The following ZNF397 variants were observed in gnomAD, a reference collection of about 807,000 sequenced individuals.
The protein encoded by ZNF397 is zinc finger and SCAN domain-containing protein 15.
Under a neutral mutation model 50.6 loss-of-function variants are expected in ZNF397, and 38 were observed. The ratio of observed to expected loss-of-function variants is 0.75; its 90% CI spans 0.58 to 0.98. The LOEUF is 0.98. Ranked by LOEUF, ZNF397 falls within the 50% of genes least tolerant of loss-of-function variation. ZNF397 has a pLI of 0.00. For synonymous variants in ZNF397, 228 were observed against 215.2 expected, an observed-to-expected ratio of 1.06 and a Z score of -0.52; for missense variants, 624 against 624.1, an observed-to-expected ratio of 1.00 and a Z score of 0.00.
chr18:35,241,075 G>C lies in ZNF397; in HGVS notation c.-115G>C, dbSNP rs1162294405. Reference sequence around the variant, plus strand: ...TCTTTGTGGCTTGCAGCTCGGGGTGGGTGGCTCATTTCCTGGCCGCTCCTG... The same window carrying C: ...TCTTTGTGGCTTGCAGCTCGGGGTGCGTGGCTCATTTCCTGGCCGCTCCTG... On this transcript the variant is annotated 5_prime_UTR_variant, in exon 1 of 4. Coordinates refer to ENST00000330501, the MANE Select transcript of ZNF397 (RefSeq NM_001135178.3). The C allele has an allele frequency of 6.6e-6, 1 of 152,372 alleles. No homozygotes were observed. The highest frequency in any genetic ancestry group is 1.5e-5 in the Non-Finnish European group (1 of 68,184). The allele number at this position is 152,372 out of a possible 1,614,324, so 9.4% of individuals were successfully genotyped here.
downstream of ZNF397, chr18:35,253,707 C>G (rs1429357508): frequency 6.2e-7 from 1 of 1,614,144 alleles, no homozygotes. Flanking sequence ...TAGCTTTTAT[C>G]TCCAGTGTGA....
At chr18:35,250,570 A>G (rs183169118), downstream of ZNF397, among the ~76,000 whole-genome samples, 9 of 152,300 alleles carry the variant, frequency 5.9e-5, no homozygotes, top group Middle Eastern at 3.4e-3. Context: ...CCTCATTTCC[A>G]TAGCCTGCAA....
intron 3 of ZNF397, 41 bp from the exon 4 acceptor site, chr18:35,245,219 AAG>A: frequency 6.6e-7 from 1 of 1,514,322 alleles, no homozygotes; most frequent in East Asian, 2.3e-5. Context: ...TGACGGTGAC[AAG>A]AGAAATGTAA....
In ZNF397 at chr18:35,246,222, A is replaced by G; in HGVS notation, c.1517A>G (p.Asp506Gly). ...LVQHQRIHSG[D>G]EAYICNECGK... The stretch of plus-strand genomic sequence containing the variant: ...CAGCATCAGAGAATTCATTCTGGGG[A>G]TGAAGCTTATATATGTAATGAATGT... The change falls in exon 4 of 4, where the codon GAT (aspartate) becomes GGT (glycine). Residue 506 changes from aspartate (D) to glycine (G), a missense_variant. Coordinates refer to ENST00000330501, the MANE Select transcript of ZNF397 (RefSeq NM_001135178.3). 1.3e-6 allele frequency: 2 copies of G among 1,552,170 alleles called. No homozygotes were observed. Among genetic ancestry groups the G allele is most frequent in the Non-Finnish European group, 1.7e-6 (2 of 1,147,090 alleles).
intron 3 of ZNF397, 35 bp from the exon 4 acceptor site, chr18:35,245,227 T>C (rs753785430): frequency 5.2e-6 from 8 of 1,534,760 alleles, no homozygotes; most frequent in African/African-American, 1.4e-5. Flanking sequence ...ACAAGAGAAA[T>C]GTAATATCTG....
chr18:35,251,969 G>A (rs2043613500), downstream of ZNF397: 1 of 152,034 alleles, frequency 6.6e-6, no homozygotes, highest in Non-Finnish European at 1.5e-5. Flanking sequence ...AGCAATTGTG[G>A]GTTAATTAAA....
rs1466518964 is a variant in ZNF397, at chr18:35,243,264, C to T, written c.527C>T (p.Ser176Phe). The change falls in exon 3 of 4, where the codon TCC (serine) becomes TTC (phenylalanine). Residue 176 changes from serine (S) to phenylalanine (F), a missense_variant. Ser to Phe is a radical substitution (Grantham distance 155, BLOSUM62 -2). Coordinates refer to ENST00000330501, the MANE Select transcript of ZNF397 (RefSeq NM_001135178.3). ...CAGCCCTTAAAGACACAGCTGAAAT[C>T]CTGGAAACCATGCCTTTCCCCTAAA... ...HLQPLKTQLK[S>F]WKPCLSPKSD... 1.9e-6 allele frequency: 3 copies of T among 1,614,100 alleles called. No individual in the cohort carries two copies. The Admixed American group carries it at 5.0e-5, about 27-fold the overall frequency.
intron 3 of ZNF397, among the ~76,000 whole-genome samples, chr18:35,244,734 G>A (rs1311239661): frequency 6.9e-6 from 1 of 144,162 alleles, no homozygotes; most frequent in African/African-American, 2.5e-5. Context: ...TGATCTTGAT[G>A]AGAGTAGTAT....
At chr18:35,250,590 C>A (rs2043561347), downstream of ZNF397, among the ~76,000 whole-genome samples, 1 of 152,160 alleles carries the variant, frequency 6.6e-6, no homozygotes, top group African/African-American at 2.4e-5. Flanking sequence ...ACTAATACAT[C>A]CAGCTGAAAG....
downstream of ZNF397, chr18:35,251,617 C>G (rs749945096): frequency 2.0e-5 from 3 of 152,126 alleles, no homozygotes; most frequent in Admixed American, 6.5e-5. Flanking sequence ...CAGATTTCCC[C>G]CTTGTTCTCA....
At chr18:35,242,196 G>T (rs1394948676) in intron 1 of ZNF397, among the ~76,000 whole-genome samples, 195 bp from the exon 2 acceptor site, 1 of 152,162 alleles carries the variant, frequency 6.6e-6, no homozygotes, top group African/African-American at 2.4e-5. Context: ...TAACATTAGT[G>T]GTAGGAATTC....
At chr18:35,257,355 T>A (rs558534291) in intron 5 of ZNF397, 1 of 152,938 alleles carries the variant, frequency 6.5e-6, no homozygotes, top group South Asian at 2.1e-4. Flanking sequence ...GATGTGAATG[T>A]CTGTGTCTCC....
At chr18:35,254,620 A>G, downstream of ZNF397, 6 of 647,820 alleles carry the variant, frequency 9.3e-6, 1 homozygote, top group South Asian at 8.1e-5. Context: ...GTGAACAAGG[A>G]AAGACATTAG....
intron 3 of ZNF397, 111 bp downstream of exon 3, chr18:35,243,404 A>C (rs1401148935): frequency 1.3e-6 from 2 of 1,520,670 alleles, no homozygotes; most frequent in Non-Finnish European, 1.8e-6. Context: ...CACCTTTATT[A>C]TTCTAAACCA....
At chr18:35,253,987 C>A, downstream of ZNF397, 1 of 1,614,142 alleles carries the variant, frequency 6.2e-7, no homozygotes, top group African/African-American at 1.3e-5. Context: ...GATGTCTAAT[C>A]AGCTTTGAGC....
At position 35,245,834 on chromosome 18, in the gene ZNF397, GCATT is replaced by G. The variant is rs1210785728; in HGVS notation, c.1132_1135del (p.Phe378ValfsTer62). 1.5e-5 allele frequency: 24 copies of G among 1,552,388 alleles called. No individual in the cohort carries two copies. The highest frequency in any genetic ancestry group is 1.9e-5 in the Non-Finnish European group (22 of 1,147,412). On this transcript the variant is annotated frameshift_variant, in exon 4 of 4. Transcript: ENST00000330501. LOFTEE classifies it high-confidence loss of function. ...TTGTAAATGTAATGAGTGTGGCAAA[GCATT>G]CAGTCAAAGTTCATATCTCATTATA...
chr18:35,242,889 G>T lies in ZNF397; in HGVS notation c.414+5G>T. On this transcript the variant is annotated splice_donor_5th_base_variant and intron_variant, in intron 2 of 3. Coordinates refer to ENST00000330501, the MANE Select transcript of ZNF397 (RefSeq NM_001135178.3). Reference sequence around the variant, plus strand: ...TTTGATGACCCAGGGCAGCAGGTGGGAACGGAGAAAAGTGATGTGGGAAAA... The same window carrying T: ...TTTGATGACCCAGGGCAGCAGGTGGTAACGGAGAAAAGTGATGTGGGAAAA... The T allele has an allele frequency of 1.3e-6, 2 of 1,593,942 alleles. No homozygotes were observed. The highest frequency in any genetic ancestry group is 1.1e-5 in the South Asian group (1 of 89,016).
rs1331255084 is a variant in ZNF397 at position 35,246,605 on chromosome 18, T to G, written c.*295T>G. The G allele has an allele frequency of 3.5e-6, 4 of 1,141,938 alleles. No individual in the cohort carries two copies. Among genetic ancestry groups the G allele is most frequent in the Non-Finnish European group, 4.3e-6 (4 of 929,218 alleles). The allele number at this position is 1,141,938 out of a possible 1,614,324, so 70.7% of individuals were successfully genotyped here. A position where few individuals can be genotyped will look rare whatever the true frequency, so the allele number is the denominator to read the frequency against. On this transcript the variant is annotated 3_prime_UTR_variant, in exon 4 of 4. Coordinates refer to ENST00000330501, the MANE Select transcript of ZNF397 (RefSeq NM_001135178.3). ...ATTGAAACCTCATTTTGTATGAAAG[T>G]GTCATGAATATAGCAACCCAGGCTC...
At position 35,246,707 on chromosome 18, in the gene ZNF397, T is replaced by TAA. The variant is rs879008742; in HGVS notation, c.*412_*413dup. ...GTGTGAGGCACTTCGTCTCAGGAACTAAAAAAAAAAAAAAAACTGACCCAA... is the reference window on the plus strand; with the variant it reads ...GTGTGAGGCACTTCGTCTCAGGAACTAAAAAAAAAAAAAAAAAACTGACCCAA... On this transcript the variant is annotated 3_prime_UTR_variant, in exon 4 of 4. Coordinates refer to ENST00000330501, the MANE Select transcript of ZNF397 (RefSeq NM_001135178.3). 1,704 of 910,962 alleles carry TAA rather than the reference T, an allele frequency of 1.9e-3. No homozygotes were observed. The highest frequency in any genetic ancestry group is 3.7e-3 in the African/African-American group (172 of 46,590). The allele number at this position is 910,962 out of a possible 1,614,324, so 56.4% of individuals were successfully genotyped here.
Sources: gnomAD v4.1 joint callset for allele counts (sites outside exome capture counted in the v4.1 genomes callset) on GRCh38, gnomAD v4.1.1 for gene constraint, MANE v1.5 for transcripts, NCBI Gene and HGNC (gene_info 2026-07-23, HGNC 2026-07-21) for gene names.